The following SORCS2 variants were observed in gnomAD, a reference collection of about 807,000 sequenced individuals.
SORCS2 encodes the protein VPS10 domain-containing receptor SorCS2.
Under a neutral mutation model 141.6 loss-of-function variants are expected in SORCS2, and 100 were observed. That is an observed-to-expected ratio of 0.71 (90% CI 0.60 to 0.83). The LOEUF (loss-of-function observed/expected upper bound fraction) is 0.83. Ranked by LOEUF, SORCS2 falls within the 40% of genes least tolerant of loss-of-function variation. The pLI is 0.00. For synonymous variants in SORCS2, 789 were observed against 676.9 expected, an observed-to-expected ratio of 1.17 and a Z score of -2.57; for missense variants, 1,646 against 1,560.2, an observed-to-expected ratio of 1.05 and a Z score of -0.93.
At chr4:7,291,088 G>C (rs925232852) in intron 1 of SORCS2, among the ~76,000 whole-genome samples, 1 of 152,116 alleles carries the variant, frequency 6.6e-6, no homozygotes, top group Non-Finnish European at 1.5e-5. Flanking sequence ...TGGAGCAGGG[G>C]GGACAGCATG....
At chr4:7,271,022 C>A (rs1025946767) in intron 1 of SORCS2, among the ~76,000 whole-genome samples, 1 of 152,198 alleles carries the variant, frequency 6.6e-6, no homozygotes, top group African/African-American at 2.4e-5. Context: ...ACAGCTCTTG[C>A]TAAGGGAAGG....
chr4:7,290,422 T>C (rs1462976649), intron 1 of SORCS2, among the ~76,000 whole-genome samples: 1 of 152,124 alleles, frequency 6.6e-6, no homozygotes, highest in Non-Finnish European at 1.5e-5. Flanking sequence ...AGACCCAGGG[T>C]CTTCTGGTGT....
chr4:7,654,902 G>A (rs572897356), intron 5 of SORCS2, among the ~76,000 whole-genome samples: 37 of 152,284 alleles, frequency 2.4e-4, no homozygotes, highest in African/African-American at 6.5e-4. Flanking sequence ...CCAGCCACTC[G>A]AGTGCATCCT....
At chr4:7,727,870 G>A (rs184434314) in intron 21 of SORCS2, among the ~76,000 whole-genome samples, 423 of 152,358 alleles carry the variant, frequency 2.8e-3, no homozygotes, top group African/African-American at 9.6e-3. Context: ...AAGAGAAGAA[G>A]ACAGGGCCTC....
chr4:7,434,726 C>A, intron 2 of SORCS2: 1 of 1,613,124 alleles, frequency 6.2e-7, no homozygotes, highest in Non-Finnish European at 8.5e-7. Flanking sequence ...TTCCATACGG[C>A]CCCTTGGCAG....
chr4:7,267,695 G>T (rs1007601994), intron 1 of SORCS2, among the ~76,000 whole-genome samples: 1 of 152,246 alleles, frequency 6.6e-6, no homozygotes, highest in Non-Finnish European at 1.5e-5. Flanking sequence ...GCCAGGCGTG[G>T]TGGCAGGTGC....
chr4:7,459,138 C>T (rs1331992147), intron 2 of SORCS2, among the ~76,000 whole-genome samples: 7 of 152,104 alleles, frequency 4.6e-5, no homozygotes, highest in Non-Finnish European at 7.4e-5. Flanking sequence ...CAGTGAAGAC[C>T]GTGTGGCTTT....
At chr4:7,367,316 C>T (rs1266516016) in intron 1 of SORCS2, among the ~76,000 whole-genome samples, 1 of 152,242 alleles carries the variant, frequency 6.6e-6, no homozygotes, top group African/African-American at 2.4e-5. Flanking sequence ...TCACGTCAAA[C>T]AGAGTGGGGA....
chr4:7,504,362 ACT>A (rs1285796647), intron 2 of SORCS2, among the ~76,000 whole-genome samples: 2 of 152,310 alleles, frequency 1.3e-5, no homozygotes, highest in Non-Finnish European at 1.5e-5. Context: ...AGCTCCTGTG[ACT>A]TTGTAGAGCC....
chr4:7,572,886 C>T (rs1263309578), intron 3 of SORCS2, among the ~76,000 whole-genome samples: 1 of 152,214 alleles, frequency 6.6e-6, no homozygotes, highest in Non-Finnish European at 1.5e-5. Context: ...ATTTTAAGGA[C>T]TGCACGTTTG....
chr4:7,449,462 C>T, intron 2 of SORCS2, among the ~76,000 whole-genome samples: 1 of 140,370 alleles, frequency 7.1e-6, no homozygotes, highest in African/African-American at 2.6e-5. Flanking sequence ...TTTCTTCCCA[C>T]CTATGGGTGA....
chr4:7,557,206 A>G (rs1714196228), intron 3 of SORCS2, among the ~76,000 whole-genome samples: 2 of 152,212 alleles, frequency 1.3e-5, no homozygotes, highest in South Asian at 2.1e-4. Flanking sequence ...CAACCAAGAA[A>G]GTGCCCAAGG....
At chr4:7,738,545 C>A (rs1207692953) in intron 26 of SORCS2, among the ~76,000 whole-genome samples, 1 of 152,186 alleles carries the variant, frequency 6.6e-6, no homozygotes, top group Non-Finnish European at 1.5e-5. Context: ...GCACACACCT[C>A]TCACCGTTGC....
rs78925945 is a variant in SORCS2 at position 7,277,563 on chromosome 4, C to T, written c.480+84437C>T. On this transcript the variant is annotated intron_variant, in intron 1 of 26. Coordinates refer to ENST00000507866, the MANE Select transcript of SORCS2 (RefSeq NM_020777.3). Reference sequence around the variant, plus strand: ...GGTAAGCTAAAGTTTCATGACATGCCGGCAGAAACTGTTGATTTACTTGAA... The same window carrying T: ...GGTAAGCTAAAGTTTCATGACATGCTGGCAGAAACTGTTGATTTACTTGAA... 1.3e-3 allele frequency among the ~76,000 whole-genome samples: 202 copies of T among 152,168 alleles called. 3 individuals carry two copies. In the East Asian group the frequency reaches 0.027, roughly 20 times the overall value.
intron 3 of SORCS2, among the ~76,000 whole-genome samples, chr4:7,564,011 A>T (rs556246371): frequency 6.6e-6 from 1 of 152,192 alleles, no homozygotes; most frequent in Admixed American, 6.5e-5. Context: ...TGCTTTCCAC[A>T]TTGGGTATTT....
intron 12 of SORCS2, among the ~76,000 whole-genome samples, chr4:7,697,885 G>C (rs904934948): frequency 2.6e-5 from 4 of 152,158 alleles, no homozygotes; most frequent in African/African-American, 9.7e-5. Context: ...CGCAGGATGC[G>C]GCCACTCCCA....
chr4:7,515,305 G>A (rs535584708), intron 2 of SORCS2, among the ~76,000 whole-genome samples: 1 of 152,366 alleles, frequency 6.6e-6, no homozygotes, highest in Non-Finnish European at 1.5e-5. Context: ...GGCTGTCTTG[G>A]AGTAATATCA....
chr4:7,280,299 C>G (rs958781531), intron 1 of SORCS2, among the ~76,000 whole-genome samples: 18 of 152,076 alleles, frequency 1.2e-4, no homozygotes, highest in African/African-American at 4.3e-4. Context: ...TCTCCCAGGG[C>G]TCATATCAGC....
Position 7,734,070 on chromosome 4 carries a change from G to A in SORCS2, c.3209-202G>A, listed in dbSNP as rs149282552. Among the ~76,000 whole-genome samples the A allele has an allele frequency of 1.1e-3, 164 of 151,988 alleles. No individual in the cohort carries two copies. In the East Asian group the frequency reaches 0.012, roughly 11 times the overall value. The stretch of plus-strand genomic sequence containing the variant: ...GTGGGGGACAGGAAGAGGTCAAGCC[G>A]GGAATGGGCTGGGGAAGGGCTGGGG... On this transcript the variant is annotated intron_variant, in intron 24 of 26. Transcript: ENST00000507866.
Sources: allele counts gnomAD v4.1 joint callset (sites outside exome capture counted in the v4.1 genomes callset), GRCh38; gene constraint gnomAD v4.1.1; transcripts MANE v1.5; gene names NCBI Gene and HGNC (gene_info 2026-07-23, HGNC 2026-07-21).